TRHR: variants seen among roughly 807,000 people sequenced by gnomAD.
The protein encoded by TRHR is thyrotropin releasing hormone receptor, also known as thyrotropin-releasing hormone receptor.
In TRHR, 14 loss-of-function variants were observed where a neutral mutation model predicts 28.0. That is an observed-to-expected ratio of 0.50 (90% CI 0.33 to 0.78). TRHR has a LOEUF of 0.78. Ranked by LOEUF, TRHR falls within the 30% of genes least tolerant of loss-of-function variation. TRHR has a pLI of 0.02. For synonymous variants in TRHR, 176 were observed against 171.9 expected, an observed-to-expected ratio of 1.02 and a Z score of -0.18; for missense variants, 438 against 469.5, an observed-to-expected ratio of 0.93 and a Z score of 0.62.
chr8:109,108,067 C>T (rs1811777323), intron 2 of TRHR, among the ~76,000 whole-genome samples: 1 of 152,096 alleles, frequency 6.6e-6, no homozygotes, highest in Non-Finnish European at 1.5e-5. Flanking sequence ...CTCCGTAACT[C>T]CAGGCCTGAG....
intron 2 of TRHR, among the ~76,000 whole-genome samples, chr8:109,105,033 G>A (rs975096567): frequency 6.6e-6 from 1 of 152,076 alleles, no homozygotes; most frequent in Admixed American, 6.6e-5. Flanking sequence ...TGTCCCATTT[G>A]CATATGTGTC....
chr8:109,099,009 A>G (rs1421714295), intron 2 of TRHR, among the ~76,000 whole-genome samples: 1 of 152,186 alleles, frequency 6.6e-6, no homozygotes, highest in Non-Finnish European at 1.5e-5. Context: ...GTGCCTAGGG[A>G]CATACTGATA....
intron 2 of TRHR, among the ~76,000 whole-genome samples, chr8:109,105,561 A>T (rs1393616847): frequency 6.6e-6 from 1 of 152,198 alleles, no homozygotes. Context: ...GAAATGGGAA[A>T]ACATGGAATA....
intron 2 of TRHR, among the ~76,000 whole-genome samples, chr8:109,109,488 T>G (rs902410864): frequency 6.6e-6 from 1 of 152,036 alleles, no homozygotes; most frequent in Non-Finnish European, 1.5e-5. Flanking sequence ...CTAAGCACCA[T>G]GCCTGGTGCA....
Position 109,087,808 on chromosome 8 carries a change from T to C in TRHR, c.296T>C (p.Leu99Pro). ...TGGGTCTATGGCTATGTTGGATGCC[T>C]CTGCATTACTTACCTCCAGTATTTG... ...GSWVYGYVGCLCITYLQYLGI... is the reference protein window; with the variant it reads ...GSWVYGYVGCPCITYLQYLGI... Residue 99 changes from leucine (L) to proline (P), a missense_variant, in exon 2 of 3, where the codon CTC (leucine) becomes CCC (proline). By Grantham distance (98) the Leu-to-Pro change is moderately conservative. Transcript: ENST00000518632. 1 of 1,614,218 alleles carries C rather than the reference T, an allele frequency of 6.2e-7. No homozygotes were observed. Among genetic ancestry groups the C allele is most frequent in the Non-Finnish European group, 8.5e-7 (1 of 1,180,040 alleles).
chr8:109,119,040 C>T lies in TRHR; in HGVS notation c.790-8C>T. On this transcript the variant is annotated splice_region_variant and splice_polypyrimidine_tract_variant and intron_variant, in intron 2 of 2. Transcript: ENST00000518632. ...GTTTGTACAGCATTTCTCTCTATTT[C>T]TCCCTAGGTCACCAAGATGCTGGCA... 1.9e-6 allele frequency: 3 copies of T among 1,612,420 alleles called. No individual in the cohort carries two copies. The highest frequency in any genetic ancestry group is 2.5e-6 in the Non-Finnish European group (3 of 1,178,902).
chr8:109,114,730 A>T (rs186499213), intron 2 of TRHR, among the ~76,000 whole-genome samples: 5 of 152,128 alleles, frequency 3.3e-5, no homozygotes, highest in African/African-American at 1.2e-4. Context: ...TTTTAACTGG[A>T]TCAGAAAGCC....
intron 2 of TRHR, among the ~76,000 whole-genome samples, chr8:109,093,167 C>T (rs1171595979): frequency 1.3e-5 from 2 of 151,946 alleles, no homozygotes; most frequent in South Asian, 4.1e-4. Flanking sequence ...TGAGATATAT[C>T]AGAAAAAATT....
chr8:109,098,773 C>T (rs1811634454), intron 2 of TRHR, among the ~76,000 whole-genome samples: 1 of 152,200 alleles, frequency 6.6e-6, no homozygotes, highest in African/African-American at 2.4e-5. Flanking sequence ...CTGTTTCTTT[C>T]TATCCTCCCT....
rs1811985413 is a variant in TRHR at position 109,120,162 on chromosome 8, T to C, written c.*707T>C. ...GATTTTAAGATAAATCCAACTCTTA[T>C]CAACTCTTCCAGCCTCCCACATGAT... On this transcript the variant is annotated 3_prime_UTR_variant, in exon 3 of 3. Transcript: ENST00000518632. 6.6e-6 allele frequency among the ~76,000 whole-genome samples: 1 copy of C among 151,816 alleles called. No individual in the cohort carries two copies. The highest frequency in any genetic ancestry group is 1.5e-5 in the Non-Finnish European group (1 of 67,866).
At chr8:109,107,058 A>G (rs929303516) in intron 2 of TRHR, among the ~76,000 whole-genome samples, 1 of 152,170 alleles carries the variant, frequency 6.6e-6, no homozygotes, top group Non-Finnish European at 1.5e-5. Context: ...AGAATTATTA[A>G]TGTCTCAGAA....
chr8:109,107,412 CT>C (rs1164620300), intron 2 of TRHR, among the ~76,000 whole-genome samples: 1 of 152,144 alleles, frequency 6.6e-6, no homozygotes, highest in African/African-American at 2.4e-5. Flanking sequence ...GCTGAAATGT[CT>C]TATCCAATGC....
intron 2 of TRHR, among the ~76,000 whole-genome samples, chr8:109,092,728 C>T (rs1026353757): frequency 3.9e-5 from 6 of 152,084 alleles, no homozygotes; most frequent in African/African-American, 1.4e-4. Context: ...CTTGAGCCAC[C>T]GCACCCGGCA....
chr8:109,100,577 T>C (rs1398396140), intron 2 of TRHR, among the ~76,000 whole-genome samples: 4 of 152,128 alleles, frequency 2.6e-5, no homozygotes, highest in Non-Finnish European at 5.9e-5. Flanking sequence ...ATGATTTAAT[T>C]AAAAACATAC....
chr8:109,087,421 A>G lies in TRHR; in HGVS notation c.-88-4A>G. ...TAATGAATATGTACTATGACCCTTC[A>G]CAGGGGGATGGAACTGCTGCAATAA... On this transcript the variant is annotated splice_region_variant and splice_polypyrimidine_tract_variant and intron_variant, in intron 1 of 2. Transcript: ENST00000518632. 1 of 1,380,898 alleles carries G rather than the reference A, an allele frequency of 7.2e-7. No homozygotes were observed. Among genetic ancestry groups the G allele is most frequent in the Non-Finnish European group, 1.0e-6 (1 of 984,130 alleles). The allele number at this position is 1,380,898 out of a possible 1,614,324, so 85.5% of individuals were successfully genotyped here. A position where few individuals can be genotyped will look rare whatever the true frequency, so the allele number is the denominator to read the frequency against.
intron 2 of TRHR, among the ~76,000 whole-genome samples, chr8:109,106,113 C>T (rs1415333543): frequency 6.6e-6 from 1 of 151,820 alleles, no homozygotes; most frequent in Non-Finnish European, 1.5e-5. Flanking sequence ...CTAGTGCATC[C>T]CCTGCCTTCA....
In TRHR at chr8:109,119,311, C is replaced by A; in HGVS notation, c.1053C>A (p.Ala351=). ...PTEKPANYSV[A]LNYSVIKESD... ...AGAAACCTGCTAACTACAGTGTGGC[C>A]CTAAATTACAGCGTCATCAAGGAGT... is the stretch of plus-strand genomic sequence containing the variant. Residue 351 remains alanine, a synonymous_variant, in exon 3 of 3, where the codon GCC becomes GCA. Coordinates refer to ENST00000518632, the MANE Select transcript of TRHR (RefSeq NM_003301.7). 1 of 1,612,478 alleles carries A rather than the reference C, an allele frequency of 6.2e-7. No homozygotes were observed. Among genetic ancestry groups the A allele is most frequent in the Admixed American group, 1.7e-5 (1 of 59,814 alleles).
chr8:109,104,355 C>T (rs1368300390), intron 2 of TRHR, among the ~76,000 whole-genome samples: 2 of 151,986 alleles, frequency 1.3e-5, no homozygotes, highest in Non-Finnish European at 2.9e-5. Flanking sequence ...ACAAAATTCA[C>T]AAAACCATTT....
chr8:109,119,128 A>T lies in TRHR; in HGVS notation c.870A>T (p.Ser290=), dbSNP rs1180116671. Residue 290 remains serine, a synonymous_variant, in exon 3 of 3, where the codon TCA becomes TCT. Coordinates refer to ENST00000518632, the MANE Select transcript of TRHR (RefSeq NM_003301.7). The part of the protein sequence containing the change: ...MPYRTLVVVN[S]FLSSPFQENW... ...ACAGGACTCTAGTGGTTGTCAACTC[A>T]TTTCTCTCCAGTCCTTTCCAAGAAA... 1 of 1,612,756 alleles carries T rather than the reference A, an allele frequency of 6.2e-7. No individual in the cohort carries two copies. The highest frequency in any genetic ancestry group is 8.5e-7 in the Non-Finnish European group (1 of 1,179,224).
Sources: allele counts gnomAD v4.1 joint callset (sites outside exome capture counted in the v4.1 genomes callset), GRCh38; gene constraint gnomAD v4.1.1; transcripts MANE v1.5; gene names NCBI Gene and HGNC (gene_info 2026-07-23, HGNC 2026-07-21).